The following PABPC1 variants were observed in gnomAD, a reference collection of about 807,000 sequenced individuals.
PABPC1 encodes polyadenylate-binding protein 1.
Under a neutral mutation model 74.0 loss-of-function variants are expected in PABPC1, and 4 were observed. The observed-to-expected ratio is 0.05, with a 90% CI of 0.03 to 0.12. The LOEUF is 0.12. Ranked by LOEUF, PABPC1 falls within the 10% of genes least tolerant of loss-of-function variation. The pLI is 1.00. For synonymous variants in PABPC1, 227 were observed against 264.1 expected (o/e 0.86, Z 1.36); for missense variants, 271 against 821.1 (o/e 0.33, Z 8.19).
chr8:100,708,225 G>C (rs899482751), intron 9 of PABPC1, among the ~76,000 whole-genome samples: 2 of 152,172 alleles, frequency 1.3e-5, no homozygotes, highest in Non-Finnish European at 2.9e-5. Context: ...AAATATACCT[G>C]AAACATAATC....
chr8:100,721,266 G>A lies in PABPC1; in HGVS notation c.193+125C>T, dbSNP rs1810819845. On this transcript the variant is annotated intron_variant, in intron 1 of 14. Transcript: ENST00000318607. This position sits in a 1 kb window ranked among gnomAD's most constrained non-coding sequence, Gnocchi z 7.4. The stretch of plus-strand genomic sequence containing the variant: ...CAGGGACCCCGGCGCCTTCCCGCCG[G>A]CCGTCGCGGGGTGACATGCCCTCCC... The A allele has an allele frequency of 2.9e-6, 1 of 345,832 alleles. No homozygotes were observed. The highest frequency in any genetic ancestry group is 2.2e-5 in the African/African-American group (1 of 45,002). The allele number at this position is 345,832 out of a possible 1,614,324, so 21.4% of individuals were successfully genotyped here.
intron 1 of PABPC1, among the ~76,000 whole-genome samples, chr8:100,720,415 CTTTT>C: frequency 6.6e-6 from 1 of 152,154 alleles, no homozygotes; most frequent in African/African-American, 2.4e-5. Context: ...TCATGGGCCA[CTTTT>C]AAAAATAAAA....
chr8:100,721,819 G>C lies in PABPC1; in HGVS notation c.-236C>G. 2.5e-6 allele frequency: 1 copy of C among 399,106 alleles called. No individual in the cohort carries two copies. Among genetic ancestry groups the C allele is most frequent in the Non-Finnish European group, 4.5e-6 (1 of 222,526 alleles). The allele number at this position is 399,106 out of a possible 1,614,324, so 24.7% of individuals were successfully genotyped here. A position where few individuals can be genotyped will look rare whatever the true frequency, so the allele number is the denominator to read the frequency against. On this transcript the variant is annotated 5_prime_UTR_variant, in exon 1 of 15. Transcript: ENST00000318607. The surrounding 1 kb of genome is among the most constrained non-coding windows in gnomAD (Gnocchi z 7.4). ...TGGCGGTGTCGGGTCCGGGCAGCGG[G>C]AAGGCCTCGGTCTCTTGGTTCCTTC... is the stretch of plus-strand genomic sequence containing the variant.
intron 14 of PABPC1, among the ~76,000 whole-genome samples, chr8:100,703,700 G>A (rs969679478): frequency 5.3e-5 from 8 of 152,076 alleles, no homozygotes; most frequent in Admixed American, 3.9e-4. Context: ...CACCCAAAAA[G>A]GAAAGGTAAA....
chr8:100,705,758 T>C, intron 11 of PABPC1, 85 bp from the exon 12 acceptor site: 1 of 861,874 alleles, frequency 1.2e-6, no homozygotes. Flanking sequence ...TCTGCTGAAG[T>C]GGTAGACTTC....
chr8:100,706,601 G>C, intron 11 of PABPC1, 50 bp downstream of exon 11: 1 of 1,551,050 alleles, frequency 6.4e-7, no homozygotes, highest in Non-Finnish European at 8.8e-7. Flanking sequence ...TCACACCTTT[G>C]ATTTCACCCA....
In PABPC1 at chr8:100,712,352, G is replaced by A. The variant is rs754801012; in HGVS notation, c.972+10C>T. 52 of 1,369,994 alleles carry A rather than the reference G, an allele frequency of 3.8e-5. No homozygotes were observed. The highest frequency in any genetic ancestry group is 5.2e-5 in the Non-Finnish European group (51 of 986,580). The allele number at this position is 1,369,994 out of a possible 1,614,324, so 84.9% of individuals were successfully genotyped here. ...TAGACCTCAAATAAATGAACCATAT[G>A]TTTTCTTACCTTTGCACTAGTGATT... On this transcript the variant is annotated intron_variant, in intron 7 of 14. Coordinates refer to ENST00000318607, the MANE Select transcript of PABPC1 (RefSeq NM_002568.4).
At position 100,704,934 on chromosome 8, in the gene PABPC1, G is replaced by A. The variant is rs753302028; in HGVS notation, c.1810C>T (p.Arg604Cys). The change falls in exon 13 of 15, where the codon CGT becomes TGT. Residue 604 changes from arginine to cysteine, a missense_variant. Transcript: ENST00000318607. ...AAATAAATTTAAATCACCTTAGAAC[G>A]GAGTGACTCTGGAGACTCGAGCATA... ...LHMLESPESL[R>C]SKVDEAVAVL... 1.9e-6 allele frequency: 3 copies of A among 1,611,960 alleles called. No homozygotes were observed. Among genetic ancestry groups the A allele is most frequent in the African/African-American group, 2.7e-5 (2 of 74,820 alleles).
intron 12 of PABPC1, among the ~76,000 whole-genome samples, 199 bp downstream of exon 12, chr8:100,705,390 C>T (rs1352020171): frequency 6.6e-6 from 1 of 152,178 alleles, no homozygotes; most frequent in Non-Finnish European, 1.5e-5. Flanking sequence ...GCCCTACTAC[C>T]CTATTTATTA....
chr8:100,713,261 CATGAA>C (rs1277663152), intron 4 of PABPC1, 80 bp from the exon 5 acceptor site: 1 of 831,618 alleles, frequency 1.2e-6, no homozygotes, highest in African/African-American at 1.8e-5. Flanking sequence ...CATACAAAGC[CATGAA>C]AAAAATTTCA....
chr8:100,709,780 C>A (rs1286819355), intron 7 of PABPC1, 49 bp from the exon 8 acceptor site: 4 of 1,514,314 alleles, frequency 2.6e-6, no homozygotes, highest in Admixed American at 2.2e-5. Context: ...GAATGAGGAG[C>A]AAAAAAAGAG....
intron 3 of PABPC1, 40 bp from the exon 4 acceptor site, chr8:100,715,641 T>C (rs1361270302): frequency 2.7e-6 from 4 of 1,466,764 alleles, no homozygotes; most frequent in Non-Finnish European, 2.8e-6. Flanking sequence ...AGATTCTATT[T>C]TATAAAGTTC....
chr8:100,719,186 T>A (rs1196191930), intron 1 of PABPC1, among the ~76,000 whole-genome samples: 1 of 152,178 alleles, frequency 6.6e-6, no homozygotes, highest in African/African-American at 2.4e-5. Context: ...AAAAGACTAG[T>A]CCCCGAAGAG....
chr8:100,719,803 C>T (rs1810767555), intron 1 of PABPC1, among the ~76,000 whole-genome samples: 1 of 152,224 alleles, frequency 6.6e-6, no homozygotes, highest in Non-Finnish European at 1.5e-5. Flanking sequence ...GTTTTCTCCA[C>T]CAACTCTTAG....
At chr8:100,718,675 A>T (rs1029428759) in intron 1 of PABPC1, among the ~76,000 whole-genome samples, 1 of 152,250 alleles carries the variant, frequency 6.6e-6, no homozygotes, top group African/African-American at 2.4e-5. Context: ...AGATTTATCT[A>T]CAAGCTGGAA....
intron 3 of PABPC1, among the ~76,000 whole-genome samples, chr8:100,716,002 ACTTCC>A (rs537243550): frequency 2.5e-4 from 38 of 152,332 alleles, no homozygotes; most frequent in African/African-American, 8.4e-4. Context: ...AAAAATTTAA[ACTTCC>A]CAATCGTGTA....
intron 5 of PABPC1, 100 bp downstream of exon 5, chr8:100,712,987 A>G: frequency 9.5e-7 from 1 of 1,053,970 alleles, no homozygotes; most frequent in East Asian, 2.4e-5. Context: ...AACTGAAAAT[A>G]TAAGAACATG....
At chr8:100,709,304 A>G in intron 8 of PABPC1, 81 bp from the exon 9 acceptor site, 1 of 1,477,004 alleles carries the variant, frequency 6.8e-7, no homozygotes, top group Non-Finnish European at 9.5e-7. Flanking sequence ...CTTTTTCAAA[A>G]CATTTACCAG....
At chr8:100,712,248 A>T in intron 7 of PABPC1, 114 bp downstream of exon 7, 2 of 617,812 alleles carry the variant, frequency 3.2e-6, no homozygotes, top group Non-Finnish European at 5.7e-6. Context: ...AAGTTTTAGA[A>T]GTAACGAAGC....
Sources: gnomAD v4.1 joint callset for allele counts (sites outside exome capture counted in the v4.1 genomes callset) on GRCh38, gnomAD v4.1.1 for gene constraint, Gnocchi (gnomAD v3.1) non-coding constraint, MANE v1.5 for transcripts, NCBI Gene and HGNC (gene_info 2026-07-23, HGNC 2026-07-21) for gene names.